Variants in PCDHGA1 observed in about 807,000 individuals in gnomAD.
PCDHGA1 encodes protocadherin gamma subfamily A, 1.
A neutral mutation model predicts 58.0 loss-of-function variants in PCDHGA1; 32 were observed. The ratio of observed to expected loss-of-function variants is 0.55; its 90% CI spans 0.42 to 0.74. PCDHGA1 has a LOEUF of 0.74. Among genes scored for constraint, PCDHGA1 ranks in the 30% least tolerant of loss-of-function variants. PCDHGA1 has a pLI of 0.00. For missense variants in PCDHGA1, 1,205 were observed against 1,182.3 expected (o/e 1.02, Z -0.28); for synonymous variants, 498 against 501.1 (o/e 0.99, Z 0.08).
At chr5:141,464,282 A>AG (rs1318553407) in intron 1 of PCDHGA1, among the ~76,000 whole-genome samples, 1 of 151,396 alleles carries the variant, frequency 6.6e-6, no homozygotes, top group Non-Finnish European at 1.5e-5. Flanking sequence ...AAAAAAGCAA[A>AG]AAAAAAAACT....
At chr5:141,423,707 G>A in intron 1 of PCDHGA1, 1 of 1,164,238 alleles carries the variant, frequency 8.6e-7, no homozygotes, top group Non-Finnish European at 1.1e-6. Flanking sequence ...CTTGGCACAA[G>A]TCTTTTAAGG....
chr5:141,465,532 C>T (rs1175698109), intron 1 of PCDHGA1, among the ~76,000 whole-genome samples: 1 of 152,138 alleles, frequency 6.6e-6, no homozygotes, highest in Non-Finnish European at 1.5e-5. Flanking sequence ...GGAAGTTTTC[C>T]CAGGCATTTT....
chr5:141,399,162 C>T (rs1174255078), intron 1 of PCDHGA1: 1 of 1,613,664 alleles, frequency 6.2e-7, no homozygotes, highest in South Asian at 1.1e-5. Context: ...AAGTTACATT[C>T]CATTCTCTAC....
At chr5:141,478,683 C>G (rs1355955377) in intron 1 of PCDHGA1, 14 of 1,551,164 alleles carry the variant, frequency 9.0e-6, no homozygotes, top group African/African-American at 1.4e-5. Flanking sequence ...CTGGCCCTTC[C>G]TAGATCAAAG....
At chr5:141,415,641 T>TA (rs113784532) in intron 1 of PCDHGA1, 91,654 of 1,192,004 alleles carry the variant, frequency 0.077, 689 homozygotes, top group South Asian at 0.099. Context: ...TTACTTTTGT[T>TA]AAAAAAAAAA....
intron 3 of PCDHGA1, among the ~76,000 whole-genome samples, chr5:141,509,574 G>T (rs554778751): frequency 6.6e-6 from 1 of 152,300 alleles, no homozygotes; most frequent in South Asian, 2.1e-4. Context: ...TTCACAGTGC[G>T]TACAAATCAG....
At chr5:141,377,627 T>A (rs893549240) in intron 1 of PCDHGA1, 5 of 152,084 alleles carry the variant, frequency 3.3e-5, no homozygotes, top group African/African-American at 9.7e-5. Context: ...AAGATTTTGT[T>A]TTTTCTCAGT....
chr5:141,405,746 G>A (rs1174743960), intron 1 of PCDHGA1, among the ~76,000 whole-genome samples: 1 of 152,108 alleles, frequency 6.6e-6, no homozygotes, highest in Non-Finnish European at 1.5e-5. Context: ...CCAAAGCACT[G>A]GGATTACAGG....
intron 1 of PCDHGA1, among the ~76,000 whole-genome samples, chr5:141,464,525 A>G (rs919668801): frequency 3.3e-5 from 5 of 152,064 alleles, no homozygotes; most frequent in Non-Finnish European, 5.9e-5. Context: ...AGGCATATGT[A>G]GTTTTGTTAA....
At chr5:141,338,693 C>T in intron 1 of PCDHGA1, 1 of 503,438 alleles carries the variant, frequency 2.0e-6, no homozygotes, top group Non-Finnish European at 2.9e-6. Flanking sequence ...TGAGCAGGTG[C>T]AGAAATTATT....
At chr5:141,422,328 T>C (rs1561800810) in intron 1 of PCDHGA1, 4 of 1,548,502 alleles carry the variant, frequency 2.6e-6, no homozygotes, top group Non-Finnish European at 2.6e-6. Flanking sequence ...GTACAGTGAT[T>C]GCTCTTCTAA....
At chr5:141,345,414 A>G in intron 1 of PCDHGA1, 3 of 1,614,088 alleles carry the variant, frequency 1.9e-6, no homozygotes, top group Non-Finnish European at 1.7e-6. Context: ...CTCCGCCTAC[A>G]TTCCAGAAAA....
At chr5:141,382,364 T>C (rs919179170) in intron 1 of PCDHGA1, among the ~76,000 whole-genome samples, 3 of 152,264 alleles carry the variant, frequency 2.0e-5, no homozygotes, top group African/African-American at 7.2e-5. Flanking sequence ...AAATAAAATT[T>C]ACCTTTTTGC....
chr5:141,419,742 T>G (rs1388509503), intron 1 of PCDHGA1: 3 of 1,613,742 alleles, frequency 1.9e-6, no homozygotes, highest in Non-Finnish European at 2.5e-6. Flanking sequence ...GAGGTGCGCA[T>G]GGTGCGTGCT....
At chr5:141,430,575 A>G in intron 1 of PCDHGA1, 2 of 455,822 alleles carry the variant, frequency 4.4e-6, no homozygotes, top group East Asian at 3.5e-5. Flanking sequence ...AAAAGCGGAG[A>G]TCCTGCTCGC....
At chr5:141,402,765 C>T (rs2150942715) in intron 1 of PCDHGA1, among the ~76,000 whole-genome samples, 1 of 152,322 alleles carries the variant, frequency 6.6e-6, no homozygotes, top group Admixed American at 6.5e-5. Flanking sequence ...ATCAGGACTC[C>T]ATCCGGATTT....
At chr5:141,496,948 G>A (rs2099772844) in intron 2 of PCDHGA1, among the ~76,000 whole-genome samples, 1 of 151,826 alleles carries the variant, frequency 6.6e-6, no homozygotes, top group Admixed American at 6.6e-5. Context: ...CACTTTGGGA[G>A]GCCAAGGTGG....
At chr5:141,422,959 C>A in intron 1 of PCDHGA1, 1 of 1,614,234 alleles carries the variant, frequency 6.2e-7, no homozygotes, top group South Asian at 1.1e-5. Context: ...TGGCGTGGAG[C>A]TGGCGCCCCG....
chr5:141,351,538 A>G, intron 1 of PCDHGA1: 1 of 1,614,006 alleles, frequency 6.2e-7, no homozygotes, highest in Non-Finnish European at 8.5e-7. Flanking sequence ...AGGGCAAACC[A>G]GCCCTTTCCT....
Sources: gnomAD v4.1 joint callset for allele counts (sites outside exome capture counted in the v4.1 genomes callset) on GRCh38, gnomAD v4.1.1 for gene constraint, MANE v1.5 for transcripts, NCBI Gene and HGNC (gene_info 2026-07-23, HGNC 2026-07-21) for gene names.